Variants in WDR88 observed in about 807,000 individuals in gnomAD.
The protein encoded by WDR88 is WD repeat-containing protein 88.
WDR88 carries 40 observed loss-of-function variants against 46.8 expected under a neutral mutation model. The ratio of observed to expected loss-of-function variants is 0.86; its 90% CI spans 0.66 to 1.11. WDR88 has a LOEUF of 1.11. Ranked by LOEUF, WDR88 falls within the 50% of genes most tolerant of loss-of-function variation. The pLI is 0.00. For synonymous variants in WDR88, 235 were observed against 240.7 expected, an observed-to-expected ratio of 0.98 and a Z score of 0.22; for missense variants, 562 against 602.4, an observed-to-expected ratio of 0.93 and a Z score of 0.70.
At chr19:33,162,022 A>G (rs764117145) in intron 8 of WDR88, among the ~76,000 whole-genome samples, 5 of 152,086 alleles carry the variant, frequency 3.3e-5, no homozygotes, top group African/African-American at 4.8e-5. Flanking sequence ...CTGTCCTTTA[A>G]TTACACTAAG....
Position 33,158,445 on chromosome 19 carries a change from GA to G in WDR88, c.997+1913del, listed in dbSNP as rs573489432. Among the ~76,000 whole-genome samples the G allele has an allele frequency of 8.6e-3, 1,280 of 148,364 alleles. 11 individuals are homozygous for G. The highest frequency in any genetic ancestry group is 0.022 in the African/African-American group (900 of 40,456). ...TGTCTCAAAAAAAGAAAAAAAGAAA[GA>G]AAAAAAAAAGAATCACATGCAGTTA... On this transcript the variant is annotated intron_variant, in intron 7 of 10. Transcript: ENST00000355868.
intron 9 of WDR88, among the ~76,000 whole-genome samples, chr19:33,168,033 T>TTTC (rs796781178): frequency 2.4e-3 from 256 of 107,098 alleles, no homozygotes; most frequent in African/African-American, 8.7e-3. Flanking sequence ...GATTTCTTTC[T>TTTC]TTTTTTTTTT....
chr19:33,139,386 A>G (rs1358468228), intron 2 of WDR88, among the ~76,000 whole-genome samples: 1 of 152,196 alleles, frequency 6.6e-6, no homozygotes, highest in East Asian at 1.9e-4. Flanking sequence ...AGGCTGCAGA[A>G]GGCTGTGTGG....
At chr19:33,156,577 G>C in intron 7 of WDR88, 35 bp downstream of exon 7, 1 of 1,593,556 alleles carries the variant, frequency 6.3e-7, no homozygotes, top group Non-Finnish European at 8.6e-7. Flanking sequence ...CTCCATTCCT[G>C]TGGGAGTGCT....
intron 7 of WDR88, 87 bp downstream of exon 7, chr19:33,156,629 A>G (rs891331062): frequency 7.1e-5 from 100 of 1,417,724 alleles, no homozygotes; most frequent in Non-Finnish European, 9.3e-5. Flanking sequence ...ACAGAGAGGC[A>G]ATTTCCAATG....
chr19:33,132,720 A>AC (rs1973155200), intron 1 of WDR88, among the ~76,000 whole-genome samples: 1 of 152,136 alleles, frequency 6.6e-6, no homozygotes, highest in Admixed American at 6.5e-5. Flanking sequence ...CCACCATGTG[A>AC]CCCCATCTAG....
Position 33,148,786 on chromosome 19 carries a change from T to C in WDR88, c.555T>C (p.Tyr185=). ...GCTCATTTCAGTGGAAGGTCAGGTA[T>C]GATACCTTCATCGTCTCCTGTAAGT... is the stretch of plus-strand genomic sequence containing the variant. ...ETGKLLWKVR[Y]DTFIVSCKFS... is the part of the protein sequence containing the mutation. The change falls in exon 5 of 11, where the codon TAT becomes TAC. Residue 185 remains tyrosine (Y), a synonymous_variant. Transcript: ENST00000355868. 1 of 1,614,158 alleles carries C rather than the reference T, an allele frequency of 6.2e-7. No individual in the cohort carries two copies. Among genetic ancestry groups the C allele is most frequent in the African/African-American group, 1.3e-5 (1 of 75,052 alleles).
rs569846618 is a variant in WDR88 at position 33,170,490 on chromosome 19, T to C, written c.1150-1858T>C. ...CCACTGTGCCCGGCCCATTTTGACATCTTTTCTATGGTCAGAAATGATAAT... is the reference window on the plus strand; with the variant it reads ...CCACTGTGCCCGGCCCATTTTGACACCTTTTCTATGGTCAGAAATGATAAT... On this transcript the variant is annotated intron_variant, in intron 9 of 10. Transcript: ENST00000355868. 3.3e-5 allele frequency among the ~76,000 whole-genome samples: 5 copies of C among 152,026 alleles called. No homozygotes were observed. In the South Asian group the frequency reaches 6.3e-4, roughly 19 times the overall value.
chr19:33,150,049 G>C (rs371787122), intron 5 of WDR88, among the ~76,000 whole-genome samples: 91 of 152,322 alleles, frequency 6.0e-4, no homozygotes, highest in African/African-American at 2.0e-3. Flanking sequence ...TTCCCATGGG[G>C]GCTGCTGGGT....
rs892492979 is a variant in WDR88 at position 33,153,072 on chromosome 19, A to G, written c.809+1762A>G. Among the ~76,000 whole-genome samples, 5 of 151,816 alleles carry G rather than the reference A, an allele frequency of 3.3e-5. No homozygotes were observed. The East Asian group carries it at 9.7e-4, about 29-fold the overall frequency. On this transcript the variant is annotated intron_variant, in intron 6 of 10. Transcript: ENST00000355868. ...TCTTTTTATTTTATTTGATTTCGAG[A>G]CAGAGTCTTGCTCTGTTGCCCAGGC...
At chr19:33,161,340 A>G (rs1973863194) in intron 8 of WDR88, among the ~76,000 whole-genome samples, 1 of 152,104 alleles carries the variant, frequency 6.6e-6, no homozygotes, top group South Asian at 2.1e-4. Context: ...GCTCTATGAT[A>G]CGGGGATGTG....
rs144929262 is a variant in WDR88 at position 33,165,440 on chromosome 19, TAAG to T, written c.1149+1179_1149+1181del. ...ATATGTTACTACTTTAATATAAAAA[TAAG>T]AAGTAAAGGTTTACTTGAAATTATA... On this transcript the variant is annotated intron_variant, in intron 9 of 10. Coordinates refer to ENST00000355868, the MANE Select transcript of WDR88 (RefSeq NM_173479.4). Among the ~76,000 whole-genome samples the T allele has an allele frequency of 9.9e-3, 1,510 of 152,208 alleles. 29 individuals are homozygous for T. The highest frequency in any genetic ancestry group is 0.033 in the African/African-American group (1,389 of 41,518).
At chr19:33,136,446 C>G (rs1386234451) in intron 1 of WDR88, among the ~76,000 whole-genome samples, 1 of 152,106 alleles carries the variant, frequency 6.6e-6, no homozygotes, top group African/African-American at 2.4e-5. Flanking sequence ...CTGCCTCGGT[C>G]TCCCAAAGTG....
intron 2 of WDR88, among the ~76,000 whole-genome samples, chr19:33,142,217 C>CGAAGATG (rs1366809139): frequency 2.0e-5 from 3 of 151,466 alleles, no homozygotes; most frequent in African/African-American, 7.3e-5. Flanking sequence ...CAGGGGGGGA[C>CGAAGATG]GAAGATGGAA....
chr19:33,150,075 TTTC>T (rs1264645755), intron 5 of WDR88, among the ~76,000 whole-genome samples: 1 of 152,342 alleles, frequency 6.6e-6, no homozygotes, highest in East Asian at 1.9e-4. Flanking sequence ...ACATGGGTGA[TTTC>T]TCTGTTATTC....
intron 10 of WDR88, 127 bp downstream of exon 10, chr19:33,172,567 C>A: frequency 1.3e-6 from 1 of 742,832 alleles, no homozygotes; most frequent in South Asian, 2.0e-5. Context: ...GACATTTTTG[C>A]CCCAGGGGAG....
chr19:33,157,710 TATATATATATATATATATATATATATAA>T (rs1485457928), intron 7 of WDR88, among the ~76,000 whole-genome samples: 2,677 of 22,770 alleles, frequency 0.12, 278 homozygotes, highest in African/African-American at 0.25. Flanking sequence ...TATATATATA[TATATATATATATATATATATATATATAA>T]AATTAAAGAG....
chr19:33,158,475 A>G (rs1221318146), intron 7 of WDR88, among the ~76,000 whole-genome samples: 1 of 152,184 alleles, frequency 6.6e-6, no homozygotes, highest in Non-Finnish European at 1.5e-5. Context: ...GCAGTTAATC[A>G]TTATTATTCC....
chr19:33,158,944 C>T (rs571222713), intron 7 of WDR88, among the ~76,000 whole-genome samples: 54 of 152,224 alleles, frequency 3.5e-4, no homozygotes, highest in African/African-American at 1.3e-3. Flanking sequence ...ATGTGATCTG[C>T]CTGCCTCAGC....
Sources: allele counts gnomAD v4.1 joint callset (sites outside exome capture counted in the v4.1 genomes callset), GRCh38; gene constraint gnomAD v4.1.1; transcripts MANE v1.5; gene names NCBI Gene and HGNC (gene_info 2026-07-23, HGNC 2026-07-21).